TEX2: variants seen among roughly 807,000 people sequenced by gnomAD.
The protein encoded by TEX2 is testis expressed 2.
Under a neutral mutation model 106.9 loss-of-function variants are expected in TEX2, and 53 were observed. That is an observed-to-expected ratio of 0.50 (90% CI 0.40 to 0.62). The LOEUF is 0.62. TEX2 is among the 20% of genes least tolerant of loss of function. The pLI, the probability that TEX2 is intolerant of heterozygous loss-of-function variation, is 0.00. For missense variants in TEX2, 1,207 were observed against 1,379.0 expected (o/e 0.88, Z 1.98); for synonymous variants, 523 against 534.8 (o/e 0.98, Z 0.30).
At chr17:64,221,198 T>TCAGGGGG (rs782047933) in intron 1 of TEX2, among the ~76,000 whole-genome samples, 10 of 152,036 alleles carry the variant, frequency 6.6e-5, no homozygotes, top group Non-Finnish European at 1.3e-4. Context: ...CTGGGGCCTG[T>TCAGGGGG]CAGGGGGCAG....
rs142137734 is a variant in TEX2, at chr17:64,241,539, G to A, written c.-26+21629C>T. Among the ~76,000 whole-genome samples the A allele has an allele frequency of 7.0e-4, 106 of 152,210 alleles. 1 individual carries two copies. In the East Asian group the frequency reaches 7.9e-3, roughly 11 times the overall value. On this transcript the variant is annotated intron_variant, in intron 1 of 11. Transcript: ENST00000584379. The stretch of plus-strand genomic sequence containing the variant: ...AATTTGTTGTAGTAAAAATAACAGC[G>A]GGTCTCAGCTCAAGTGTCACATTCT...
intron 1 of TEX2, among the ~76,000 whole-genome samples, chr17:64,226,548 T>C (rs75878278): frequency 0.025 from 3,852 of 152,290 alleles, 151 homozygotes; most frequent in African/African-American, 0.088. Flanking sequence ...CTTTCTTTAA[T>C]GGTCAAATTT....
chr17:64,222,520 A>C (rs1006585241), intron 1 of TEX2, among the ~76,000 whole-genome samples: 3 of 13,058 alleles, frequency 2.3e-4, no homozygotes, highest in African/African-American at 6.7e-4. Context: ...CCAACTCACA[A>C]AAAAAAAAAA....
rs2030463700 is a variant in TEX2 at position 64,153,420 on chromosome 17, A to C, written c.2931-266T>G. 6.9e-6 allele frequency among the ~76,000 whole-genome samples: 1 copy of C among 145,144 alleles called. No individual in the cohort carries two copies. The highest frequency in any genetic ancestry group is 2.2e-4 in the South Asian group (1 of 4,544). ...TCGGCAAATGTCCTCTGGGGGGCCA[A>C]ATCACCCCCAGTTGAGAACTACTAC... On this transcript the variant is annotated intron_variant, in intron 9 of 11. Coordinates refer to ENST00000584379, the MANE Select transcript of TEX2 (RefSeq NM_001288732.2). The surrounding 1 kb of genome is among the most constrained non-coding windows in gnomAD (Gnocchi z 4.1).
intron 1 of TEX2, among the ~76,000 whole-genome samples, chr17:64,260,114 T>C (rs7219085): frequency 0.099 from 15,096 of 152,174 alleles, 1,884 homozygotes; most frequent in African/African-American, 0.29. Context: ...GATTTCCCAA[T>C]AGCCTCGTGA....
chr17:64,178,055 G>A (rs1242952424), intron 5 of TEX2, among the ~76,000 whole-genome samples: 2 of 152,206 alleles, frequency 1.3e-5, no homozygotes, highest in African/African-American at 4.8e-5. Context: ...CAGGCAAGAC[G>A]ATGAATCACA....
intron 8 of TEX2, among the ~76,000 whole-genome samples, chr17:64,157,115 TAAGTG>T (rs1344738065): frequency 1.3e-5 from 2 of 152,222 alleles, no homozygotes; most frequent in Admixed American, 6.5e-5. Context: ...TTAGGAATTA[TAAGTG>T]TAGCCCAGTG....
At chr17:64,183,537 G>A (rs1417995020) in intron 5 of TEX2, among the ~76,000 whole-genome samples, 1 of 151,944 alleles carries the variant, frequency 6.6e-6, no homozygotes, top group Non-Finnish European at 1.5e-5. Flanking sequence ...AGTGATTCTC[G>A]TGCCTCAGCC....
At chr17:64,253,196 T>G (rs1437767352) in intron 1 of TEX2, among the ~76,000 whole-genome samples, 1 of 152,178 alleles carries the variant, frequency 6.6e-6, no homozygotes, top group African/African-American at 2.4e-5. Context: ...CTGGATGCAG[T>G]GGTGTGATCA....
chr17:64,224,478 T>A lies in TEX2; in HGVS notation c.-25-10236A>T, dbSNP rs76124626. ...TAATACTCCACCTCACAAACAAAAA[T>A]CAATATGACATTGTAGATAATGAAC... On this transcript the variant is annotated intron_variant, in intron 1 of 11. Coordinates refer to ENST00000584379, the MANE Select transcript of TEX2 (RefSeq NM_001288732.2). Among the ~76,000 whole-genome samples, 1,042 of 152,240 alleles carry A rather than the reference T, an allele frequency of 6.8e-3. 13 individuals carry two copies. The highest frequency in any genetic ancestry group is 0.025 in the African/African-American group (1,018 of 41,520).
intron 2 of TEX2, among the ~76,000 whole-genome samples, chr17:64,201,057 C>T (rs2032643382): frequency 6.6e-6 from 1 of 152,180 alleles, no homozygotes; most frequent in East Asian, 1.9e-4. Context: ...ATTTGTTAGC[C>T]TAAATGAGAC....
chr17:64,164,979 C>T (rs1483175622), intron 7 of TEX2, among the ~76,000 whole-genome samples: 2 of 152,194 alleles, frequency 1.3e-5, no homozygotes, highest in Non-Finnish European at 2.9e-5. Flanking sequence ...AGGGCACCTG[C>T]TGCTTGGGAG....
At chr17:64,169,189 C>A (rs779457482) in intron 7 of TEX2, among the ~76,000 whole-genome samples, 13 of 152,244 alleles carry the variant, frequency 8.5e-5, no homozygotes, top group Non-Finnish European at 1.9e-4. Context: ...CAGGCACACA[C>A]CACCATGCCC....
At chr17:64,211,458 T>C (rs1369601743) in intron 2 of TEX2, among the ~76,000 whole-genome samples, 1 of 152,148 alleles carries the variant, frequency 6.6e-6, no homozygotes, top group African/African-American at 2.4e-5. Flanking sequence ...ATCAGCCCTC[T>C]ATATCCATGG....
chr17:64,240,984 T>A (rs1555635701), intron 1 of TEX2, among the ~76,000 whole-genome samples: 2 of 152,132 alleles, frequency 1.3e-5, no homozygotes, highest in African/African-American at 4.8e-5. Flanking sequence ...ACTTAGAATT[T>A]TGTGACTCAG....
chr17:64,168,916 T>TTTTTTTTTTTTATAAG, intron 7 of TEX2, among the ~76,000 whole-genome samples: 1 of 150,808 alleles, frequency 6.6e-6, no homozygotes, highest in Non-Finnish European at 1.5e-5. Context: ...TTTTTTTTTT[T>TTTTTTTTTTTTATAAG]TTTGAGACAG....
intron 1 of TEX2, among the ~76,000 whole-genome samples, chr17:64,252,929 C>T (rs2034118258): frequency 6.6e-6 from 1 of 152,038 alleles, no homozygotes; most frequent in Non-Finnish European, 1.5e-5. Context: ...GGTTCAGCTC[C>T]TAAAAAGTCT....
chr17:64,201,304 C>T (rs955303693), intron 2 of TEX2, among the ~76,000 whole-genome samples: 1 of 152,192 alleles, frequency 6.6e-6, no homozygotes, highest in Non-Finnish European at 1.5e-5. Flanking sequence ...CTGGCCCCTA[C>T]ACCTCACCCT....
intron 6 of TEX2, among the ~76,000 whole-genome samples, chr17:64,176,586 C>T (rs148372818): frequency 6.6e-6 from 1 of 152,112 alleles, no homozygotes; most frequent in Non-Finnish European, 1.5e-5. Flanking sequence ...TTTAAAGAAC[C>T]TCAAGATCCT....
Sources: allele counts gnomAD v4.1 joint callset (sites outside exome capture counted in the v4.1 genomes callset), GRCh38; gene constraint gnomAD v4.1.1; non-coding constraint Gnocchi (gnomAD v3.1); transcripts MANE v1.5; gene names NCBI Gene and HGNC (gene_info 2026-07-23, HGNC 2026-07-21).